The following ADNP2 variants were observed in gnomAD, a reference collection of about 807,000 sequenced individuals.
The protein encoded by ADNP2 is ADNP homeobox 2, also known as activity-dependent neuroprotector homeobox protein 2.
A neutral mutation model predicts 16.4 loss-of-function variants in ADNP2; 8 were observed. The observed-to-expected ratio is 0.49, with a 90% confidence interval of 0.29 to 0.88. The LOEUF (loss-of-function observed/expected upper bound fraction) is 0.88, where lower values mean the gene tolerates loss of function less well. ADNP2 is among the 40% of genes least tolerant of loss of function. The pLI, the probability that ADNP2 is intolerant of heterozygous loss-of-function variation, is 0.09. For synonymous variants in ADNP2, 637 were observed against 545.8 expected, an observed-to-expected ratio of 1.17 and a Z score of -2.33; for missense variants, 1,397 against 1,395.1, an observed-to-expected ratio of 1.00 and a Z score of -0.02.
intron 2 of ADNP2, among the ~76,000 whole-genome samples, chr18:80,119,461 T>C (rs1402297065): frequency 6.6e-6 from 1 of 150,696 alleles, no homozygotes; most frequent in African/African-American, 2.4e-5. Context: ...ACCAACCCTG[T>C]AGAGAGAAAG....
chr18:80,130,343 A>G (rs1332271980), intron 2 of ADNP2, among the ~76,000 whole-genome samples: 2 of 152,194 alleles, frequency 1.3e-5, no homozygotes, highest in African/African-American at 4.8e-5. Context: ...GACTGTCCAT[A>G]TCACGCGATT....
chr18:80,121,770 A>G (rs1185141423), intron 2 of ADNP2, among the ~76,000 whole-genome samples: 1 of 152,220 alleles, frequency 6.6e-6, no homozygotes, highest in Non-Finnish European at 1.5e-5. Flanking sequence ...CAGTCGTTTC[A>G]GCACCGTTTC....
At chr18:80,133,233 G>A (rs2052510216) in intron 3 of ADNP2, 41 bp downstream of exon 3, 1 of 1,491,718 alleles carries the variant, frequency 6.7e-7, no homozygotes, top group Non-Finnish European at 9.4e-7. Context: ...TTCCTCAAAA[G>A]TGAGCAGTGA....
chr18:80,118,187 G>A (rs1429821952), intron 2 of ADNP2, among the ~76,000 whole-genome samples: 1 of 152,190 alleles, frequency 6.6e-6, no homozygotes, highest in Non-Finnish European at 1.5e-5. Context: ...CACTTTGGGA[G>A]GCTGAGGTGG....
chr18:80,128,428 G>C (rs2052474220), intron 2 of ADNP2, among the ~76,000 whole-genome samples: 1 of 152,178 alleles, frequency 6.6e-6, no homozygotes. Context: ...GAGGTGGATG[G>C]ATCACGAGGT....
At position 80,138,655 on chromosome 18, in the gene ADNP2, G is replaced by T. The variant is rs747748806; in HGVS notation, c.3242G>T (p.Trp1081Leu). 9 of 1,611,906 alleles carry T rather than the reference G, an allele frequency of 5.6e-6. No individual in the cohort carries two copies. In the Admixed American group the frequency reaches 1.5e-4, roughly 27 times the overall value. ...ATAGAACTGTTGTCCTCACTCTTTT[G>T]GGTGTGGAAAATTGATGTGGCTTCA... is the stretch of plus-strand genomic sequence containing the variant. ...KEIELLSSLF[W>L]VWKIDVASFF... is the part of the protein sequence containing the mutation. Residue 1081 changes from tryptophan (W) to leucine (L), a missense_variant, in exon 4 of 4, where the codon TGG (tryptophan) becomes TTG (leucine). Trp to Leu is a moderately conservative substitution (Grantham distance 61, BLOSUM62 -2). Transcript: ENST00000262198.
chr18:80,123,832 C>A lies in ADNP2; in HGVS notation c.108+6182C>A, dbSNP rs570995194. On this transcript the variant is annotated intron_variant, in intron 2 of 3. Transcript: ENST00000262198. ...GCAACCTCCACCTCCCAGGTTCAAG[C>A]CATTCTCCTGCCTCAGCCTCCCGAG... 3.9e-5 allele frequency among the ~76,000 whole-genome samples: 6 copies of A among 152,108 alleles called. No individual in the cohort carries two copies. The South Asian group carries it at 1.2e-3, about 32-fold the overall frequency.
At chr18:80,123,125 A>G (rs1445900854) in intron 2 of ADNP2, among the ~76,000 whole-genome samples, 1 of 152,026 alleles carries the variant, frequency 6.6e-6, no homozygotes, top group African/African-American at 2.4e-5. Flanking sequence ...TTACATTGAT[A>G]TATTTTCTTA....
chr18:80,127,492 T>C (rs1054131604), intron 2 of ADNP2, among the ~76,000 whole-genome samples: 7 of 152,196 alleles, frequency 4.6e-5, no homozygotes, highest in African/African-American at 1.4e-4. Context: ...TTTTCATTCA[T>C]GGAAGTGCAA....
intron 2 of ADNP2, among the ~76,000 whole-genome samples, chr18:80,125,439 C>G (rs111288310): frequency 5.9e-5 from 9 of 152,078 alleles, no homozygotes; most frequent in African/African-American, 2.2e-4. Flanking sequence ...GTCAGGAGAT[C>G]GAGACCATTC....
chr18:80,116,601 T>G (rs909456392), intron 1 of ADNP2, among the ~76,000 whole-genome samples: 1 of 152,150 alleles, frequency 6.6e-6, no homozygotes, highest in African/African-American at 2.4e-5. Context: ...GTGGTTTTAA[T>G]TTGCATTTCT....
chr18:80,110,735 GTTAGGAC>G (rs2052352129), intron 1 of ADNP2, among the ~76,000 whole-genome samples: 1 of 152,178 alleles, frequency 6.6e-6, no homozygotes. Flanking sequence ...TTCGGTTGGA[GTTAGGAC>G]TTCACTGCGA....
In ADNP2 at chr18:80,138,491, A is replaced by G. The variant is rs1329205738; in HGVS notation, c.3078A>G (p.Thr1026=). The stretch of plus-strand genomic sequence containing the variant: ...AAAGACAAAGGAATGAAAGCAGAAC[A>G]GAGGGACCTATTGTCAAGGACGAGG... ...PFKRQRNESR[T]EGPIVKDEAL... Residue 1026 remains threonine, a synonymous_variant, in exon 4 of 4, where the codon ACA becomes ACG. Coordinates refer to ENST00000262198, the MANE Select transcript of ADNP2 (RefSeq NM_014913.4). The G allele has an allele frequency of 6.2e-7, 1 of 1,614,200 alleles. No individual in the cohort carries two copies.
chr18:80,131,720 A>G (rs1392993040), intron 2 of ADNP2, among the ~76,000 whole-genome samples: 1 of 152,062 alleles, frequency 6.6e-6, no homozygotes, highest in Non-Finnish European at 1.5e-5. Flanking sequence ...GAAGCTGGAA[A>G]CCATCATTCT....
rs572240382 is a variant in ADNP2 at position 80,119,573 on chromosome 18, C to G, written c.108+1923C>G. Among the ~76,000 whole-genome samples the G allele has an allele frequency of 9.8e-5, 15 of 152,308 alleles. 1 individual carries two copies. The South Asian group carries it at 3.1e-3, about 32-fold the overall frequency. ...CTGCCTTCTTGTAAGATTTACACAGCACATGTGACTTCAATCTTAGCAAGA... is the reference window on the plus strand; with the variant it reads ...CTGCCTTCTTGTAAGATTTACACAGGACATGTGACTTCAATCTTAGCAAGA... On this transcript the variant is annotated intron_variant, in intron 2 of 3. Transcript: ENST00000262198.
intron 2 of ADNP2, among the ~76,000 whole-genome samples, chr18:80,120,008 GT>G (rs2145196021): frequency 6.6e-6 from 1 of 152,316 alleles, no homozygotes; most frequent in East Asian, 1.9e-4. Context: ...GAAGATGTGA[GT>G]GAGAGAGTGG....
intron 2 of ADNP2, among the ~76,000 whole-genome samples, chr18:80,126,385 T>G (rs1182762258): frequency 1.3e-5 from 2 of 152,208 alleles, no homozygotes; most frequent in Non-Finnish European, 2.9e-5. Flanking sequence ...TTCATCCCTT[T>G]GCGTAGATGT....
chr18:80,129,890 A>G (rs1317086001), intron 2 of ADNP2, among the ~76,000 whole-genome samples: 2 of 152,190 alleles, frequency 1.3e-5, no homozygotes, highest in African/African-American at 4.8e-5. Flanking sequence ...GTAGATTGTT[A>G]GCAGACATTC....
intron 1 of ADNP2, among the ~76,000 whole-genome samples, chr18:80,115,844 C>G (rs1186944306): frequency 6.6e-6 from 1 of 152,064 alleles, no homozygotes; most frequent in Non-Finnish European, 1.5e-5. Flanking sequence ...GGCGCGACCT[C>G]GGCTCACTGC....
Sources: gnomAD v4.1 joint callset for allele counts (sites outside exome capture counted in the v4.1 genomes callset) on GRCh38, gnomAD v4.1.1 for gene constraint, MANE v1.5 for transcripts, NCBI Gene and HGNC (gene_info 2026-07-23, HGNC 2026-07-21) for gene names.